The following CSMD1 variants were observed in gnomAD, a reference collection of about 807,000 sequenced individuals.
CSMD1 encodes CUB and sushi domain-containing protein 1.
Under a neutral mutation model 417.5 loss-of-function variants are expected in CSMD1, and 213 were observed. The observed-to-expected ratio is 0.51, with a 90% CI of 0.46 to 0.57. The LOEUF is 0.57. Ranked by LOEUF, CSMD1 falls within the 20% of genes least tolerant of loss-of-function variation. The probability of loss-of-function intolerance (pLI) is 0.00; values close to 1 mark genes in which losing one functional copy is unlikely to be tolerated. For synonymous variants in CSMD1, 2,862 were observed against 1,736.8 expected (o/e 1.65, Z -16.11); for missense variants, 6,923 against 4,529.7 (o/e 1.53, Z -15.17).
chr8:3,177,698 C>T (rs750847418), intron 37 of CSMD1, among the ~76,000 whole-genome samples: 23 of 152,160 alleles, frequency 1.5e-4, no homozygotes, highest in Non-Finnish European at 2.5e-4. Context: ...TCTCGGGGCC[C>T]GTGTGTTCAA....
intron 3 of CSMD1, among the ~76,000 whole-genome samples, chr8:4,250,215 T>C (rs1057407914): frequency 6.6e-6 from 1 of 152,196 alleles, no homozygotes; most frequent in African/African-American, 2.4e-5. Flanking sequence ...CTGTAGTATT[T>C]TGTTACAACA....
At chr8:4,418,446 A>G (rs1438231005) in intron 3 of CSMD1, among the ~76,000 whole-genome samples, 1 of 152,164 alleles carries the variant, frequency 6.6e-6, no homozygotes, top group Non-Finnish European at 1.5e-5. Context: ...CTCAACAGCG[A>G]TGGAGTTTTC....
chr8:4,065,651 T>G (rs1408938142), intron 3 of CSMD1, among the ~76,000 whole-genome samples: 1 of 152,166 alleles, frequency 6.6e-6, no homozygotes. Flanking sequence ...GGCAATGCCT[T>G]TTAGCCATGA....
intron 4 of CSMD1, among the ~76,000 whole-genome samples, chr8:4,011,484 T>C (rs1816529958): frequency 6.6e-6 from 1 of 152,138 alleles, no homozygotes; most frequent in African/African-American, 2.4e-5. Context: ...TGTTACATCC[T>C]CTCTTGAACC....
rs574973111 is a variant in CSMD1 at position 3,555,572 on chromosome 8, G to C, written c.1344+19373C>G. ...AAACGCTTGCTTCACTGAAGCTTTTGTGTAAGTTTAGCTCATTTTCTTTAA... is the reference window on the plus strand; with the variant it reads ...AAACGCTTGCTTCACTGAAGCTTTTCTGTAAGTTTAGCTCATTTTCTTTAA... On this transcript the variant is annotated intron_variant, in intron 10 of 69. Coordinates refer to ENST00000635120, the MANE Select transcript of CSMD1 (RefSeq NM_033225.6). Among the ~76,000 whole-genome samples the C allele has an allele frequency of 4.1e-4, 62 of 152,274 alleles. 1 individual carries two copies. Among genetic ancestry groups the C allele is most frequent in the Middle Eastern group, 3.4e-3 (1 of 294 alleles).
At chr8:3,076,283 C>A (rs1295122339) in intron 49 of CSMD1, among the ~76,000 whole-genome samples, 2 of 76,248 alleles carry the variant, frequency 2.6e-5, no homozygotes. Flanking sequence ...CATGGTCGCC[C>A]CTCTGTGCAC....
intron 3 of CSMD1, among the ~76,000 whole-genome samples, chr8:4,350,534 G>T (rs1266552892): frequency 1.3e-5 from 2 of 152,188 alleles, no homozygotes; most frequent in African/African-American, 4.8e-5. Flanking sequence ...AAGGAGGTAG[G>T]AATGGAGGCT....
At chr8:4,834,982 AAAGAAAGAAAG>A (rs1800385336) in intron 1 of CSMD1, among the ~76,000 whole-genome samples, 1 of 21,058 alleles carries the variant, frequency 4.7e-5, no homozygotes, top group African/African-American at 8.2e-5. Context: ...AAAAAAAAAG[AAAGAAAGAAAG>A]AAAGAAAGAA....
chr8:4,962,061 A>G (rs550967270), intron 1 of CSMD1, among the ~76,000 whole-genome samples: 51 of 151,176 alleles, frequency 3.4e-4, no homozygotes, highest in Admixed American at 2.2e-3. Context: ...TTACTCCATT[A>G]TATCTATTTT....
At chr8:3,956,813 C>T (rs1184242152) in intron 5 of CSMD1, among the ~76,000 whole-genome samples, 7 of 152,230 alleles carry the variant, frequency 4.6e-5, no homozygotes, top group Middle Eastern at 3.4e-3. Context: ...GACACCCAGC[C>T]GTTACGGAAG....
intron 5 of CSMD1, among the ~76,000 whole-genome samples, chr8:3,866,011 G>A (rs975339278): frequency 4.6e-5 from 7 of 152,106 alleles, no homozygotes; most frequent in Non-Finnish European, 8.8e-5. Context: ...ATGTTAGTGA[G>A]ATAAATCGCC....
intron 1 of CSMD1, among the ~76,000 whole-genome samples, chr8:4,654,956 A>G (rs558167613): frequency 2.2e-4 from 33 of 152,030 alleles, no homozygotes; most frequent in African/African-American, 6.3e-4. Flanking sequence ...CTAAAACAAA[A>G]GTTAGTATTT....
chr8:4,595,387 C>CTTTTTTTTTTTTTTTTGTTTTTTTTT, intron 2 of CSMD1, among the ~76,000 whole-genome samples: 1 of 147,442 alleles, frequency 6.8e-6, no homozygotes. Context: ...CATTCATTTT[C>CTTTTTTTTTTTTTTTTGTTTTTTTTT]ATTCCATCCA....
At chr8:3,799,254 T>C (rs528901711) in intron 5 of CSMD1, among the ~76,000 whole-genome samples, 3 of 140,812 alleles carry the variant, frequency 2.1e-5, no homozygotes, top group Non-Finnish European at 4.6e-5. Flanking sequence ...GATCACAGCA[T>C]TTTTTTTTAT....
At chr8:4,000,005 G>A (rs1815541236) in intron 4 of CSMD1, among the ~76,000 whole-genome samples, 1 of 152,208 alleles carries the variant, frequency 6.6e-6, no homozygotes, top group South Asian at 2.1e-4. Flanking sequence ...CCTTTTAAAA[G>A]TGTAAAACCA....
At chr8:4,565,276 G>C (rs993154191) in intron 2 of CSMD1, among the ~76,000 whole-genome samples, 1 of 152,206 alleles carries the variant, frequency 6.6e-6, no homozygotes, top group Non-Finnish European at 1.5e-5. Flanking sequence ...AGAATATTGA[G>C]TGAACAAGTG....
chr8:3,608,896 C>T (rs1319005819), intron 8 of CSMD1, among the ~76,000 whole-genome samples: 2 of 152,162 alleles, frequency 1.3e-5, no homozygotes, highest in Admixed American at 1.3e-4. Context: ...TCCTTCTGCT[C>T]AGCATATGCA....
intron 52 of CSMD1, among the ~76,000 whole-genome samples, chr8:3,007,651 C>T (rs1349916289): frequency 6.6e-6 from 1 of 151,320 alleles, no homozygotes; most frequent in Non-Finnish European, 1.5e-5. Flanking sequence ...AATCATCATT[C>T]TCAGTAAACT....
chr8:4,335,959 T>C (rs1800144310), intron 3 of CSMD1, among the ~76,000 whole-genome samples: 1 of 152,140 alleles, frequency 6.6e-6, no homozygotes, highest in Admixed American at 6.6e-5. Context: ...AGGGAGGCTC[T>C]CACAGATACA....
Sources: allele counts gnomAD v4.1 joint callset (sites outside exome capture counted in the v4.1 genomes callset), GRCh38; gene constraint gnomAD v4.1.1; transcripts MANE v1.5; gene names NCBI Gene and HGNC (gene_info 2026-07-23, HGNC 2026-07-21).